The following ATL3 variants were observed in gnomAD, a reference collection of about 807,000 sequenced individuals.
ATL3 encodes atlastin GTPase 3, also known as atlastin-3.
In ATL3, 49 loss-of-function variants were observed where a neutral mutation model predicts 69.5. The ratio of observed to expected loss-of-function variants is 0.71; its 90% CI spans 0.56 to 0.89. The LOEUF (loss-of-function observed/expected upper bound fraction) is 0.89, where lower values mean the gene tolerates loss of function less well. ATL3 is among the 40% of genes least tolerant of loss of function. The probability of loss-of-function intolerance (pLI) is 0.00; values close to 1 mark genes in which losing one functional copy is unlikely to be tolerated. For synonymous variants in ATL3, 214 were observed against 224.1 expected (o/e 0.95, Z 0.40); for missense variants, 606 against 645.7 (o/e 0.94, Z 0.67).
chr11:63,649,173 T>C (rs763733601), intron 5 of ATL3, among the ~76,000 whole-genome samples: 13 of 152,286 alleles, frequency 8.5e-5, no homozygotes, highest in East Asian at 1.9e-4. Flanking sequence ...GGGAAACTTA[T>C]TTGGAAACAA....
intron 3 of ATL3, among the ~76,000 whole-genome samples, chr11:63,652,851 C>T (rs995900698): frequency 6.6e-6 from 1 of 152,170 alleles, no homozygotes; most frequent in Non-Finnish European, 1.5e-5. Context: ...TAGCTTATCA[C>T]CCAGCCAGGC....
intron 5 of ATL3, among the ~76,000 whole-genome samples, chr11:63,649,361 T>C: frequency 6.6e-6 from 1 of 151,894 alleles, no homozygotes; most frequent in East Asian, 1.9e-4. Context: ...TGCCAGGCTG[T>C]TCTCGAACTC....
intron 3 of ATL3, among the ~76,000 whole-genome samples, chr11:63,652,881 T>A (rs1217422345): frequency 6.6e-6 from 1 of 152,148 alleles, no homozygotes; most frequent in East Asian, 1.9e-4. Flanking sequence ...TTTCCTGTTG[T>A]TGAAAAAGAA....
intron 3 of ATL3, among the ~76,000 whole-genome samples, chr11:63,653,106 G>A (rs1940131590): frequency 6.6e-6 from 1 of 151,958 alleles, no homozygotes; most frequent in African/African-American, 2.4e-5. Context: ...AAAGTCAGGT[G>A]GATCACTTGA....
chr11:63,642,693 T>A (rs940197469), intron 8 of ATL3, among the ~76,000 whole-genome samples: 3 of 152,204 alleles, frequency 2.0e-5, no homozygotes, highest in African/African-American at 7.2e-5. Flanking sequence ...GGAAATGACA[T>A]CAAAGTCATT....
At chr11:63,671,246 G>A in intron 1 of ATL3, 44 bp downstream of exon 1, 1 of 1,547,200 alleles carries the variant, frequency 6.5e-7, no homozygotes, top group Non-Finnish European at 8.7e-7. Flanking sequence ...AGGGAAGGCG[G>A]CGGGGGTGGC....
In ATL3 at chr11:63,659,134, G is replaced by A. The variant is rs777424027; in HGVS notation, c.165C>T (p.Ile55=). The A allele has an allele frequency of 2.7e-5, 44 of 1,613,912 alleles. No individual in the cohort carries two copies. The highest frequency in any genetic ancestry group is 3.4e-5 in the Non-Finnish European group (40 of 1,180,030). The part of the protein sequence containing the change: ...ALASILLQDH[I]RDLDVVVVSV... ...AAACCACCACCACATCAAGATCTCG[G>A]ATGTGGTCCTGCAAGAGGATGCTGG... Residue 55 remains isoleucine (I), a synonymous_variant, in exon 2 of 13, where the codon ATC becomes ATT. Transcript: ENST00000398868.
chr11:63,636,374 C>T, intron 8 of ATL3, 40 bp from the exon 9 acceptor site: 1 of 1,612,672 alleles, frequency 6.2e-7, no homozygotes, highest in South Asian at 1.1e-5. Flanking sequence ...ATAAGCCAAA[C>T]AGCCTTATTC....
intron 3 of ATL3, among the ~76,000 whole-genome samples, chr11:63,655,047 CTTG>C (rs1209599781): frequency 6.6e-6 from 1 of 151,892 alleles, no homozygotes; most frequent in East Asian, 1.9e-4. Flanking sequence ...TGGATTTTCC[CTTG>C]TTGGGTGCTG....
At chr11:63,662,439 T>C (rs945570716) in intron 1 of ATL3, among the ~76,000 whole-genome samples, 2 of 152,234 alleles carry the variant, frequency 1.3e-5, no homozygotes, top group African/African-American at 4.8e-5. Context: ...AACAAATCTG[T>C]ATTTTGATAA....
At chr11:63,643,988 T>C (rs1939784217) in intron 7 of ATL3, among the ~76,000 whole-genome samples, 181 bp downstream of exon 7, 1 of 152,258 alleles carries the variant, frequency 6.6e-6, no homozygotes, top group African/African-American at 2.4e-5. Flanking sequence ...AGTTCCTGTG[T>C]ACTGTATATA....
intron 5 of ATL3, among the ~76,000 whole-genome samples, chr11:63,651,584 A>T (rs962680959): frequency 6.6e-6 from 1 of 150,670 alleles, no homozygotes; most frequent in African/African-American, 2.4e-5. Flanking sequence ...TTCCTGTCAC[A>T]CTCTCCAATC....
At chr11:63,667,755 C>T (rs1940620313) in intron 1 of ATL3, among the ~76,000 whole-genome samples, 1 of 146,110 alleles carries the variant, frequency 6.8e-6, no homozygotes, top group Non-Finnish European at 1.5e-5. Context: ...CAGAGCGAGA[C>T]TCTGTATCAA....
chr11:63,661,763 C>T (rs1940426983), intron 1 of ATL3, among the ~76,000 whole-genome samples: 1 of 152,022 alleles, frequency 6.6e-6, no homozygotes, highest in South Asian at 2.1e-4. Context: ...GTGGCACGTG[C>T]TTGTAATCCC....
At chr11:63,631,872 C>T (rs1231625637) in intron 11 of ATL3, among the ~76,000 whole-genome samples, 14 of 152,186 alleles carry the variant, frequency 9.2e-5, no homozygotes, top group Non-Finnish European at 2.1e-4. Context: ...ATCCCAGCTA[C>T]TCAGAAGGCT....
At chr11:63,640,342 C>A (rs749377473) in intron 8 of ATL3, among the ~76,000 whole-genome samples, 1 of 152,036 alleles carries the variant, frequency 6.6e-6, no homozygotes, top group East Asian at 1.9e-4. Context: ...GGCTAGAGTG[C>A]GGTGGTGCAA....
At position 63,671,269 on chromosome 11, in the gene ATL3, CA is replaced by C. The variant is rs1294604937; in HGVS notation, c.46+20del. ...CGGCGGGGGTGGCCGCGGGGCGATCCAGGGAAAATCGGCGCCTCACCTGCTC... is the reference window on the plus strand; with the variant it reads ...CGGCGGGGGTGGCCGCGGGGCGATCCGGGAAAATCGGCGCCTCACCTGCTC... On this transcript the variant is annotated intron_variant, in intron 1 of 12. Coordinates refer to ENST00000398868, the MANE Select transcript of ATL3 (RefSeq NM_015459.5). 9 of 1,575,176 alleles carry C rather than the reference CA, an allele frequency of 5.7e-6. No individual in the cohort carries two copies. Among genetic ancestry groups the C allele is most frequent in the Non-Finnish European group, 6.9e-6 (8 of 1,163,466 alleles).
chr11:63,624,277 C>T lies in ATL3; in HGVS notation c.*5042G>A, dbSNP rs987856214. The T allele has an allele frequency of 2.0e-5, 3 of 152,100 alleles. No homozygotes were observed. Among genetic ancestry groups the T allele is most frequent in the Non-Finnish European group, 4.4e-5 (3 of 68,028 alleles). The allele number at this position is 152,100 out of a possible 1,614,324, so 9.4% of individuals were successfully genotyped here. A position where few individuals can be genotyped will look rare whatever the true frequency, so the allele number is the denominator to read the frequency against. On this transcript the variant is annotated 3_prime_UTR_variant, in exon 13 of 13. Transcript: ENST00000398868. ...CAAATCATTTTTTAAAATAAAAAAA[C>T]CTGAGGAAAATTTGTGTATGTACAA...
chr11:63,653,308 A>C (rs1940138852), intron 3 of ATL3, among the ~76,000 whole-genome samples: 2 of 152,130 alleles, frequency 1.3e-5, no homozygotes, highest in African/African-American at 4.8e-5. Context: ...CTCTACTAAA[A>C]ATACAAAAAA....
Sources: gnomAD v4.1 joint callset for allele counts (sites outside exome capture counted in the v4.1 genomes callset) on GRCh38, gnomAD v4.1.1 for gene constraint, MANE v1.5 for transcripts, NCBI Gene and HGNC (gene_info 2026-07-23, HGNC 2026-07-21) for gene names.